Variants in RAB3C observed in about 807,000 individuals in gnomAD.
The protein encoded by RAB3C is RAB3C, member RAS oncogene family.
RAB3C carries 17 observed loss-of-function variants against 26.4 expected under a neutral mutation model. That is an observed-to-expected ratio of 0.64 (90% CI 0.44 to 0.97). RAB3C has a LOEUF of 0.97. RAB3C is among the 50% of genes least tolerant of loss of function. The pLI, the probability that RAB3C is intolerant of heterozygous loss-of-function variation, is 0.00. For missense variants in RAB3C, 242 were observed against 281.9 expected (o/e 0.86, Z 1.01); for synonymous variants, 91 against 95.9 (o/e 0.95, Z 0.30).
At chr5:58,623,278 C>T (rs1173246693) in intron 2 of RAB3C, among the ~76,000 whole-genome samples, 4 of 152,214 alleles carry the variant, frequency 2.6e-5, no homozygotes, top group Admixed American at 2.0e-4. Context: ...TAAATACCTA[C>T]AGGAAAATAT....
At chr5:58,610,022 A>T (rs946729782) in intron 1 of RAB3C, among the ~76,000 whole-genome samples, 1 of 152,130 alleles carries the variant, frequency 6.6e-6, no homozygotes, top group Non-Finnish European at 1.5e-5. Flanking sequence ...ATTCTGAGAG[A>T]CAAACGTGGA....
At chr5:58,677,781 A>G (rs961938747) in intron 2 of RAB3C, among the ~76,000 whole-genome samples, 1 of 152,202 alleles carries the variant, frequency 6.6e-6, no homozygotes, top group Non-Finnish European at 1.5e-5. Flanking sequence ...GAATTGACAA[A>G]GCCTATAGCT....
chr5:58,694,276 C>T (rs139983584), intron 2 of RAB3C, among the ~76,000 whole-genome samples: 5,537 of 152,126 alleles, frequency 0.036, 336 homozygotes, highest in African/African-American at 0.13. Context: ...ATCCTTTTTA[C>T]GGCTGCATAG....
At chr5:58,645,258 A>G (rs1320834633) in intron 2 of RAB3C, among the ~76,000 whole-genome samples, 1 of 152,236 alleles carries the variant, frequency 6.6e-6, no homozygotes, top group African/African-American at 2.4e-5. Flanking sequence ...TATTAGCACC[A>G]CAGTATATAA....
chr5:58,667,714 T>C (rs1748030915), intron 2 of RAB3C, among the ~76,000 whole-genome samples: 1 of 151,836 alleles, frequency 6.6e-6, no homozygotes, highest in African/African-American at 2.4e-5. Context: ...CCGTGAGATA[T>C]ATCGTTCTAT....
chr5:58,612,552 A>ATG (rs1561266498), intron 1 of RAB3C, among the ~76,000 whole-genome samples: 3 of 105,204 alleles, frequency 2.9e-5, no homozygotes, highest in Non-Finnish European at 6.8e-5. Flanking sequence ...ATATATGTAT[A>ATG]TATATATATA....
chr5:58,612,947 A>G (rs1454326715), intron 1 of RAB3C, among the ~76,000 whole-genome samples: 1 of 152,078 alleles, frequency 6.6e-6, no homozygotes, highest in Non-Finnish European at 1.5e-5. Flanking sequence ...TCAGTATGAA[A>G]CGTAATAACT....
At chr5:58,749,625 C>A (rs6899305) in intron 3 of RAB3C, among the ~76,000 whole-genome samples, 32 of 152,172 alleles carry the variant, frequency 2.1e-4, no homozygotes, top group African/African-American at 7.2e-4. Flanking sequence ...TAACTGTTTA[C>A]AATTTTTAAA....
intron 1 of RAB3C, among the ~76,000 whole-genome samples, chr5:58,614,609 G>A (rs1746786605): frequency 6.6e-6 from 1 of 151,664 alleles, no homozygotes; most frequent in South Asian, 2.1e-4. Flanking sequence ...GTCCCTCCTA[G>A]ACCCCCTCTT....
chr5:58,693,234 G>T (rs1053754340), intron 2 of RAB3C, among the ~76,000 whole-genome samples: 6 of 141,526 alleles, frequency 4.2e-5, no homozygotes, highest in Non-Finnish European at 7.7e-5. Context: ...TTAAGATAAA[G>T]TTATAATTAT....
chr5:58,809,734 C>A (rs560891094), intron 3 of RAB3C, among the ~76,000 whole-genome samples: 5 of 152,168 alleles, frequency 3.3e-5, no homozygotes, highest in South Asian at 2.1e-4. Flanking sequence ...GGAACAGACA[C>A]AAGAGAAATC....
intron 2 of RAB3C, among the ~76,000 whole-genome samples, chr5:58,675,572 C>T (rs943636625): frequency 6.7e-6 from 1 of 149,934 alleles, no homozygotes; most frequent in African/African-American, 2.5e-5. Context: ...AGGAAATGTG[C>T]TTCCCAACAC....
intron 3 of RAB3C, among the ~76,000 whole-genome samples, chr5:58,771,072 A>T (rs1175290374): frequency 6.6e-6 from 1 of 152,166 alleles, no homozygotes; most frequent in East Asian, 1.9e-4. Flanking sequence ...ATATCTGAAC[A>T]TATAGAGGCC....
intron 2 of RAB3C, among the ~76,000 whole-genome samples, chr5:58,693,348 A>G (rs1467259537): frequency 6.5e-5 from 9 of 138,752 alleles, no homozygotes; most frequent in South Asian, 6.4e-4. Flanking sequence ...ATATATATAT[A>G]TATATATATA....
intron 2 of RAB3C, among the ~76,000 whole-genome samples, chr5:58,623,365 T>A (rs1458133160): frequency 6.6e-6 from 1 of 152,190 alleles, no homozygotes; most frequent in Admixed American, 6.5e-5. Context: ...AACAATCAGG[T>A]CCTCTGGTCT....
intron 4 of RAB3C, among the ~76,000 whole-genome samples, chr5:58,847,267 C>T (rs919707660): frequency 6.6e-6 from 1 of 152,196 alleles, no homozygotes; most frequent in African/African-American, 2.4e-5. Flanking sequence ...ACTTATTTAT[C>T]AGGAGGTCTT....
intron 2 of RAB3C, among the ~76,000 whole-genome samples, chr5:58,656,196 A>C (rs1026779603): frequency 6.6e-6 from 1 of 152,214 alleles, no homozygotes; most frequent in Non-Finnish European, 1.5e-5. Context: ...ACCAAAAACA[A>C]CTAGAAGTTT....
At chr5:58,699,406 A>T (rs1359968745) in intron 2 of RAB3C, among the ~76,000 whole-genome samples, 1 of 152,180 alleles carries the variant, frequency 6.6e-6, no homozygotes, top group Non-Finnish European at 1.5e-5. Flanking sequence ...TCCTCCAGTT[A>T]GGCTACATGG....
chr5:58,598,630 TCTC>T (rs1225643102), intron 1 of RAB3C, among the ~76,000 whole-genome samples: 3 of 152,076 alleles, frequency 2.0e-5, no homozygotes, highest in Non-Finnish European at 4.4e-5. Flanking sequence ...TTGGCTACGT[TCTC>T]CTCCTTGTAG....
Sources: gnomAD v4.1 joint callset for allele counts (sites outside exome capture counted in the v4.1 genomes callset) on GRCh38, gnomAD v4.1.1 for gene constraint, MANE v1.5 for transcripts, NCBI Gene and HGNC (gene_info 2026-07-23, HGNC 2026-07-21) for gene names.